Variants in ZC3H11A observed in about 807,000 individuals in gnomAD.
The protein encoded by ZC3H11A is zinc finger CCCH domain-containing protein 11A.
ZC3H11A carries 22 observed loss-of-function variants against 90.8 expected under a neutral mutation model. The observed-to-expected ratio is 0.24, with a 90% CI of 0.17 to 0.35. ZC3H11A has a LOEUF of 0.35. ZC3H11A is among the 10% of genes least tolerant of loss of function. ZC3H11A has a pLI of 1.00. For missense variants in ZC3H11A, 701 were observed against 964.9 expected, an observed-to-expected ratio of 0.73 and a Z score of 3.62; for synonymous variants, 294 against 339.8, an observed-to-expected ratio of 0.87 and a Z score of 1.48.
At chr1:203,810,576 C>T (rs749807016) in intron 2 of ZC3H11A, among the ~76,000 whole-genome samples, 4 of 152,016 alleles carry the variant, frequency 2.6e-5, no homozygotes, top group Admixed American at 6.6e-5. Flanking sequence ...CCCACCACCA[C>T]GCCCAGCTAA....
chr1:203,833,881 CT>C, intron 10 of ZC3H11A, 28 bp downstream of exon 10: 1 of 1,590,718 alleles, frequency 6.3e-7, no homozygotes, highest in East Asian at 2.3e-5. Flanking sequence ...TATATCTTTT[CT>C]TTTCTACTTG....
chr1:203,800,605 C>A, intron 1 of ZC3H11A: 1 of 673,088 alleles, frequency 1.5e-6, no homozygotes, highest in South Asian at 3.4e-5. Context: ...TCCTCAGAGG[C>A]AATATAATTT....
intron 1 of ZC3H11A, chr1:203,796,249 C>T: frequency 2.5e-6 from 1 of 395,028 alleles, no homozygotes; most frequent in Non-Finnish European, 4.5e-6. Flanking sequence ...ATCAATCAGA[C>T]TGAGTGCCGG....
At chr1:203,845,580 C>T (rs1687663767) in intron 12 of ZC3H11A, among the ~76,000 whole-genome samples, 1 of 152,098 alleles carries the variant, frequency 6.6e-6, no homozygotes, top group African/African-American at 2.4e-5. Flanking sequence ...TTGAAACTAA[C>T]CAGGCCTGGC....
chr1:203,806,531 G>A (rs1207910516), intron 2 of ZC3H11A, among the ~76,000 whole-genome samples: 3 of 152,070 alleles, frequency 2.0e-5, no homozygotes, highest in Non-Finnish European at 4.4e-5. Flanking sequence ...TTGAGCTCCT[G>A]GACTCAAGTG....
intron 10 of ZC3H11A, among the ~76,000 whole-genome samples, chr1:203,835,424 G>T (rs1376109455): frequency 6.6e-6 from 1 of 152,138 alleles, no homozygotes; most frequent in Admixed American, 6.6e-5. Context: ...TACGAAAAAA[G>T]CTTAGAAGAG....
intron 11 of ZC3H11A, 90 bp from the exon 12 acceptor site, chr1:203,840,216 G>A: frequency 7.7e-7 from 1 of 1,291,396 alleles, no homozygotes. Context: ...TGGGATTACA[G>A]GTGTATGCCA....
Position 203,852,294 on chromosome 1 carries a change from A to C in ZC3H11A, c.2328A>C (p.Leu776=), listed in dbSNP as rs765260202. 5 of 1,613,718 alleles carry C rather than the reference A, an allele frequency of 3.1e-6. No homozygotes were observed. The South Asian group carries it at 5.5e-5, about 18-fold the overall frequency. Residue 776 remains leucine (L), a synonymous_variant, in exon 18 of 18, where the codon CTA becomes CTC. Coordinates refer to ENST00000367210, the MANE Select transcript of ZC3H11A (RefSeq NM_001376342.1). The part of the protein sequence containing the change: ...PLSVEDDFEK[L]IWEISGGKLE... ...CTGTGGAGGATGATTTTGAGAAACT[A>C]ATATGGGAGATTTCAGGAGGCAAAT...
intron 9 of ZC3H11A, among the ~76,000 whole-genome samples, chr1:203,832,320 C>T (rs939115829): frequency 2.0e-5 from 3 of 152,006 alleles, no homozygotes; most frequent in Admixed American, 6.6e-5. Context: ...CTTGGCCTCC[C>T]GAAGTGCTGG....
intron 4 of ZC3H11A, among the ~76,000 whole-genome samples, chr1:203,820,341 T>C (rs1435264317): frequency 6.6e-6 from 1 of 152,186 alleles, no homozygotes; most frequent in Admixed American, 6.5e-5. Context: ...TTGCGTTTCA[T>C]TGCCCTTAAC....
Position 203,802,465 on chromosome 1 carries a change from T to C in ZC3H11A, c.-697T>C, listed in dbSNP as rs1670815740. On this transcript the variant is annotated 5_prime_UTR_variant, in exon 2 of 18. Transcript: ENST00000367210. ...GTGTATAAGCCAGTTAGTATATATCTGTATGTATATTATATACATAAAACA... is the reference window on the plus strand; with the variant it reads ...GTGTATAAGCCAGTTAGTATATATCCGTATGTATATTATATACATAAAACA... 6.6e-6 allele frequency: 1 copy of C among 152,526 alleles called. No individual in the cohort carries two copies. Among genetic ancestry groups the C allele is most frequent in the African/African-American group, 2.4e-5 (1 of 41,436 alleles). 9.4% of individuals were successfully genotyped at this position (152,526 alleles called of 1,614,324 possible).
At chr1:203,816,128 A>G (rs1396755828) in intron 2 of ZC3H11A, among the ~76,000 whole-genome samples, 1 of 152,200 alleles carries the variant, frequency 6.6e-6, no homozygotes, top group Non-Finnish European at 1.5e-5. Flanking sequence ...AGTTATGATT[A>G]TATACTTTTG....
rs1195086784 is a variant in ZC3H11A, at chr1:203,853,746, G to A, written c.*1347G>A. Reference sequence around the variant, plus strand: ...AATATGGAAAAGGAAGAAAGCCACAGGACTGCCCATTCAGTCTTGGGAAGA... The same window carrying A: ...AATATGGAAAAGGAAGAAAGCCACAAGACTGCCCATTCAGTCTTGGGAAGA... On this transcript the variant is annotated 3_prime_UTR_variant, in exon 18 of 18. Coordinates refer to ENST00000367210, the MANE Select transcript of ZC3H11A (RefSeq NM_001376342.1). The A allele has an allele frequency of 1.3e-5, 2 of 152,612 alleles. No homozygotes were observed. The highest frequency in any genetic ancestry group is 2.9e-5 in the Non-Finnish European group (2 of 68,054). 9.5% of individuals were successfully genotyped at this position (152,612 alleles called of 1,614,324 possible).
intron 11 of ZC3H11A, among the ~76,000 whole-genome samples, 177 bp downstream of exon 11, chr1:203,838,241 A>T (rs1684982110): frequency 6.6e-6 from 1 of 152,216 alleles, no homozygotes; most frequent in African/African-American, 2.4e-5. Flanking sequence ...GGTAGACACC[A>T]TTGAAAAAAA....
At position 203,853,175 on chromosome 1, in the gene ZC3H11A, C is replaced by T. The variant is rs1689618194; in HGVS notation, c.*776C>T. On this transcript the variant is annotated 3_prime_UTR_variant, in exon 18 of 18. Coordinates refer to ENST00000367210, the MANE Select transcript of ZC3H11A (RefSeq NM_001376342.1). ...ATTCTTTTTTAGTATGAAAATTGTC[C>T]TTTTTCTTCTTCAGTACTTGCCTCC... 6.6e-6 allele frequency: 1 copy of T among 151,464 alleles called. No homozygotes were observed. Among genetic ancestry groups the T allele is most frequent in the African/African-American group, 2.4e-5 (1 of 41,030 alleles). 9.4% of individuals were successfully genotyped at this position (151,464 alleles called of 1,614,324 possible).
chr1:203,828,483 A>G, intron 5 of ZC3H11A, 61 bp downstream of exon 5: 1 of 1,540,414 alleles, frequency 6.5e-7, no homozygotes, highest in East Asian at 2.4e-5. Context: ...CACACTGTAC[A>G]ACAGTACTTT....
chr1:203,840,969 A>C (rs1685937698), intron 12 of ZC3H11A, among the ~76,000 whole-genome samples: 1 of 152,256 alleles, frequency 6.6e-6, no homozygotes, highest in East Asian at 1.9e-4. Flanking sequence ...TAAATATACA[A>C]TAAAAAGGGT....
intron 1 of ZC3H11A, chr1:203,798,291 G>A (rs1571861707): frequency 6.5e-7 from 1 of 1,536,118 alleles, no homozygotes; most frequent in East Asian, 2.4e-5. Flanking sequence ...TGTCAAGCAT[G>A]CTTTAATTCC....
At chr1:203,798,609 C>T (rs1669464947) in intron 1 of ZC3H11A, 1 of 1,536,128 alleles carries the variant, frequency 6.5e-7, no homozygotes, top group Non-Finnish European at 8.7e-7. Context: ...AGCTGAGGAC[C>T]TTAGTGACTC....
Sources: gnomAD v4.1 joint callset for allele counts (sites outside exome capture counted in the v4.1 genomes callset) on GRCh38, gnomAD v4.1.1 for gene constraint, MANE v1.5 for transcripts, NCBI Gene and HGNC (gene_info 2026-07-23, HGNC 2026-07-21) for gene names.